The following MYOF variants were observed in gnomAD, a reference collection of about 807,000 sequenced individuals.
The protein encoded by MYOF is myoferlin.
A neutral mutation model predicts 284.2 loss-of-function variants in MYOF; 244 were observed. The ratio of observed to expected loss-of-function variants is 0.86; its 90% CI spans 0.77 to 0.95. MYOF has a LOEUF of 0.95. MYOF is among the 40% of genes least tolerant of loss of function. The pLI is 0.00. For missense variants in MYOF, 2,496 were observed against 2,560.6 expected, an observed-to-expected ratio of 0.97 and a Z score of 0.54; for synonymous variants, 904 against 919.7, an observed-to-expected ratio of 0.98 and a Z score of 0.31.
chr10:93,471,321 C>CT (rs138816092), intron 1 of MYOF, among the ~76,000 whole-genome samples: 29,337 of 149,646 alleles, frequency 0.2, 3,379 homozygotes, highest in Middle Eastern at 0.27. Context: ...TTTTCTTTTT[C>CT]TTTTTTTTTA....
chr10:93,385,424 C>T (rs1377986439), intron 19 of MYOF, among the ~76,000 whole-genome samples: 1 of 152,106 alleles, frequency 6.6e-6, no homozygotes, highest in African/African-American at 2.4e-5. Flanking sequence ...AAAAATTTGC[C>T]CATTTGTTGC....
chr10:93,333,314 T>C lies in MYOF; in HGVS notation c.4720-2A>G. The C allele has an allele frequency of 1.2e-6, 2 of 1,612,932 alleles. No homozygotes were observed. The highest frequency in any genetic ancestry group is 1.1e-5 in the South Asian group (1 of 91,060). ...TGTTATTTTTATGTAAGGGTCACAC[T>C]GTGGGACAAAATAGACGGGATGTTA... On this transcript the variant is annotated splice_acceptor_variant, in intron 42 of 53. Coordinates refer to ENST00000359263, the MANE Select transcript of MYOF (RefSeq NM_013451.4). LOFTEE classifies it high-confidence loss of function.
In MYOF at chr10:93,347,601, C is replaced by G. The variant is rs1207313353; in HGVS notation, c.4249+16G>C. 1 of 1,562,770 alleles carries G rather than the reference C, an allele frequency of 6.4e-7. No homozygotes were observed. Among genetic ancestry groups the G allele is most frequent in the Non-Finnish European group, 8.7e-7 (1 of 1,152,116 alleles). On this transcript the variant is annotated intron_variant, in intron 37 of 53. Coordinates refer to ENST00000359263, the MANE Select transcript of MYOF (RefSeq NM_013451.4). ...AAAGAAAAGCCCCCAGACTTATGCA[C>G]AGCCTTGCATGTTACCTTTGAGCTG... is the stretch of plus-strand genomic sequence containing the variant.
chr10:93,349,729 GTGTT>G (rs762702404), intron 36 of MYOF, 75 bp downstream of exon 36: 143 of 1,485,254 alleles, frequency 9.6e-5, no homozygotes, highest in Non-Finnish European at 1.2e-4. Context: ...AATAAACTCT[GTGTT>G]TGTGTGTGTG....
chr10:93,456,299 G>A (rs1179972351), intron 2 of MYOF, among the ~76,000 whole-genome samples: 1 of 152,208 alleles, frequency 6.6e-6, no homozygotes, highest in Admixed American at 6.5e-5. Flanking sequence ...TAAACACTTA[G>A]TGATACATCA....
chr10:93,371,300 A>G (rs956880078), intron 24 of MYOF, among the ~76,000 whole-genome samples: 1 of 152,244 alleles, frequency 6.6e-6, no homozygotes, highest in Non-Finnish European at 1.5e-5. Context: ...GTTTAGTGTT[A>G]TATCAAAGAT....
rs752788414 is a variant in MYOF, at chr10:93,306,951, C to A, written c.*12G>T. The A allele has an allele frequency of 1.9e-6, 3 of 1,611,554 alleles. No individual in the cohort carries two copies. The highest frequency in any genetic ancestry group is 2.5e-6 in the Non-Finnish European group (3 of 1,178,380). ...TTGCTGGATGACTCTTGAAATGAAG[C>A]CTTTGCCTTTGTTACACATTTGGCT... On this transcript the variant is annotated 3_prime_UTR_variant, in exon 54 of 54. Coordinates refer to ENST00000359263, the MANE Select transcript of MYOF (RefSeq NM_013451.4).
chr10:93,425,980 G>A (rs1028205453), intron 5 of MYOF, 91 bp downstream of exon 5: 30 of 1,336,584 alleles, frequency 2.2e-5, no homozygotes, highest in Non-Finnish European at 2.7e-5. Context: ...ACAGGCTTGT[G>A]ATCAATGGCA....
chr10:93,397,826 C>T (rs1414072808), intron 13 of MYOF, among the ~76,000 whole-genome samples: 1 of 151,996 alleles, frequency 6.6e-6, no homozygotes, highest in African/African-American at 2.4e-5. Flanking sequence ...CCTCCCTGCC[C>T]TCTACCCCAA....
chr10:93,314,038 C>T (rs1423422250), intron 50 of MYOF, among the ~76,000 whole-genome samples: 1 of 152,198 alleles, frequency 6.6e-6, no homozygotes, highest in Non-Finnish European at 1.5e-5. Flanking sequence ...AACTGAGACT[C>T]CTAGCCTCAA....
intron 26 of MYOF, among the ~76,000 whole-genome samples, chr10:93,365,387 C>A (rs1845280063): frequency 6.6e-6 from 1 of 152,182 alleles, no homozygotes; most frequent in African/African-American, 2.4e-5. Flanking sequence ...CCAGGGGAAC[C>A]ATCTTTACCA....
chr10:93,352,994 G>A (rs775724166), intron 32 of MYOF, among the ~76,000 whole-genome samples: 3 of 152,200 alleles, frequency 2.0e-5, no homozygotes, highest in Non-Finnish European at 4.4e-5. Context: ...GAGCACATGA[G>A]AGTGTCAGTC....
At chr10:93,424,674 T>C (rs1158556299) in intron 5 of MYOF, among the ~76,000 whole-genome samples, 2 of 152,052 alleles carry the variant, frequency 1.3e-5, no homozygotes, top group Non-Finnish European at 1.5e-5. Context: ...AACTCACAAC[T>C]ACTTAGTCAA....
At chr10:93,356,325 T>C (rs190155856) in intron 30 of MYOF, among the ~76,000 whole-genome samples, 89 of 152,324 alleles carry the variant, frequency 5.8e-4, no homozygotes, top group Non-Finnish European at 2.8e-4. Flanking sequence ...CATATGAATA[T>C]TTTGTTGAAC....
At chr10:93,398,391 G>A (rs1847123059) in intron 13 of MYOF, among the ~76,000 whole-genome samples, 1 of 152,090 alleles carries the variant, frequency 6.6e-6, no homozygotes, top group South Asian at 2.1e-4. Flanking sequence ...TTGTAGCACT[G>A]GGCACCATTT....
intron 3 of MYOF, among the ~76,000 whole-genome samples, chr10:93,441,799 G>A (rs1409136522): frequency 6.6e-6 from 1 of 151,938 alleles, no homozygotes; most frequent in Non-Finnish European, 1.5e-5. Flanking sequence ...TCCTGACCTC[G>A]TGATCCACCT....
At chr10:93,350,216 C>A (rs963271874) in intron 35 of MYOF, among the ~76,000 whole-genome samples, 4 of 152,082 alleles carry the variant, frequency 2.6e-5, no homozygotes, top group African/African-American at 9.7e-5. Context: ...ATAGCTGTGT[C>A]AATGCTGACA....
intron 12 of MYOF, among the ~76,000 whole-genome samples, chr10:93,400,679 G>A (rs1179595205): frequency 1.3e-5 from 2 of 151,996 alleles, no homozygotes; most frequent in Non-Finnish European, 2.9e-5. Context: ...GCCCAGCAAG[G>A]CAAATAGGAG....
At chr10:93,414,208 C>T (rs1238476828) in intron 5 of MYOF, among the ~76,000 whole-genome samples, 1 of 151,268 alleles carries the variant, frequency 6.6e-6, no homozygotes, top group African/African-American at 2.4e-5. Context: ...TGTGGTCACA[C>T]AGCCTTTCTC....
Sources: gnomAD v4.1 joint callset for allele counts (sites outside exome capture counted in the v4.1 genomes callset) on GRCh38, gnomAD v4.1.1 for gene constraint, MANE v1.5 for transcripts, NCBI Gene and HGNC (gene_info 2026-07-23, HGNC 2026-07-21) for gene names.